Variants in DDX60L observed in about 807,000 individuals in gnomAD.
DDX60L encodes probable ATP-dependent RNA helicase DDX60-like.
In DDX60L, 191 loss-of-function variants were observed where a neutral mutation model predicts 211.6. That is an observed-to-expected ratio of 0.90 (90% CI 0.80 to 1.02). The LOEUF is 1.02. Among genes scored for constraint, DDX60L ranks in the 50% least tolerant of loss-of-function variants. DDX60L has a pLI of 0.00. For synonymous variants in DDX60L, 706 were observed against 694.1 expected (o/e 1.02, Z -0.27); for missense variants, 2,007 against 1,984.1 (o/e 1.01, Z -0.22).
chr4:168,474,679 AG>A, intron 1 of DDX60L, among the ~76,000 whole-genome samples: 1 of 152,266 alleles, frequency 6.6e-6, no homozygotes, highest in African/African-American at 2.4e-5. Context: ...CAGAATCCCA[AG>A]TTAAAAGACA....
At chr4:168,394,384 G>T (rs1026863810) in intron 28 of DDX60L, 81 bp downstream of exon 28, 7 of 1,132,594 alleles carry the variant, frequency 6.2e-6, no homozygotes, top group East Asian at 2.6e-5. Context: ...AAACCAACTG[G>T]TATAATTTTT....
At chr4:168,435,400 T>A (rs939062389) in intron 10 of DDX60L, among the ~76,000 whole-genome samples, 2 of 152,114 alleles carry the variant, frequency 1.3e-5, no homozygotes, top group Non-Finnish European at 2.9e-5. Flanking sequence ...ACTTGAAAAA[T>A]ACAGGAGTGC....
intron 32 of DDX60L, among the ~76,000 whole-genome samples, 199 bp from the exon 33 acceptor site, chr4:168,378,674 T>A (rs142495857): frequency 6.6e-6 from 1 of 152,282 alleles, no homozygotes; most frequent in Non-Finnish European, 1.5e-5. Context: ...TTATATTCTG[T>A]GCCTTGTTTT....
At chr4:168,409,764 A>G (rs1038467624) in intron 22 of DDX60L, among the ~76,000 whole-genome samples, 1 of 152,232 alleles carries the variant, frequency 6.6e-6, no homozygotes, top group African/African-American at 2.4e-5. Context: ...ATTATTTAGT[A>G]TAACACTATG....
intron 7 of DDX60L, among the ~76,000 whole-genome samples, chr4:168,454,884 T>C (rs773649307): frequency 6.6e-6 from 1 of 151,152 alleles, no homozygotes; most frequent in Non-Finnish European, 1.5e-5. Context: ...AGATGTCTAT[T>C]ACAAATCCAA....
At chr4:168,455,805 A>G (rs1756490582) in intron 7 of DDX60L, among the ~76,000 whole-genome samples, 1 of 152,226 alleles carries the variant, frequency 6.6e-6, no homozygotes, top group Non-Finnish European at 1.5e-5. Flanking sequence ...GAAAAACACT[A>G]AATTACGTAA....
At chr4:168,419,253 G>T in intron 19 of DDX60L, 49 bp downstream of exon 19, 1 of 1,268,082 alleles carries the variant, frequency 7.9e-7, no homozygotes, top group African/African-American at 1.5e-5. Flanking sequence ...ACAAATTATA[G>T]GGTGTATGCA....
In DDX60L at chr4:168,443,064, C is replaced by T. The variant is rs769289693; in HGVS notation, c.1139-1572G>A. 8.5e-3 allele frequency among the ~76,000 whole-genome samples: 1,297 copies of T among 151,940 alleles called. 13 individuals are homozygous for T. The highest frequency in any genetic ancestry group is 0.024 in the Middle Eastern group (7 of 292). On this transcript the variant is annotated intron_variant, in intron 9 of 37. Coordinates refer to ENST00000682922, the MANE Select transcript of DDX60L (RefSeq NM_001012967.3). ...TGAGCTGAGAGAAGAAGGCTTCAGA[C>T]GATCAAATTACTCTGAGCTATGGGA...
intron 8 of DDX60L, among the ~76,000 whole-genome samples, chr4:168,450,758 A>G (rs1656130653): frequency 6.6e-6 from 1 of 152,128 alleles, no homozygotes; most frequent in Non-Finnish European, 1.5e-5. Context: ...TCTACAAAAA[A>G]TAAAATTAGC....
At chr4:168,453,485 T>G (rs1370109877) in intron 7 of DDX60L, among the ~76,000 whole-genome samples, 3 of 152,178 alleles carry the variant, frequency 2.0e-5, no homozygotes, top group Non-Finnish European at 4.4e-5. Flanking sequence ...GTTCACATAA[T>G]GCATTTCTTA....
chr4:168,420,650 T>C (rs868027805), intron 17 of DDX60L, among the ~76,000 whole-genome samples: 4 of 46,906 alleles, frequency 8.5e-5, no homozygotes, highest in African/African-American at 1.8e-4. Context: ...ATGAGATAGA[T>C]AGATAGATAG....
At chr4:168,473,346 A>G (rs1362048303) in intron 1 of DDX60L, among the ~76,000 whole-genome samples, 1 of 152,252 alleles carries the variant, frequency 6.6e-6, no homozygotes, top group African/African-American at 2.4e-5. Context: ...TATCTTTAGT[A>G]GAGAGAGCAG....
chr4:168,412,271 C>T (rs911614643), intron 22 of DDX60L, among the ~76,000 whole-genome samples: 3 of 152,004 alleles, frequency 2.0e-5, no homozygotes, highest in African/African-American at 7.2e-5. Context: ...TGGAGTAGAG[C>T]ACTGAGCAGG....
At chr4:168,472,830 G>C in intron 1 of DDX60L, 21 bp from the exon 2 acceptor site, 1 of 871,434 alleles carries the variant, frequency 1.1e-6, no homozygotes, top group Non-Finnish European at 1.8e-6. Context: ...AGAAAAAATA[G>C]AACTGCAGTT....
At chr4:168,404,225 G>A in intron 24 of DDX60L, 119 bp from the exon 25 acceptor site, 1 of 722,100 alleles carries the variant, frequency 1.4e-6, no homozygotes, top group Non-Finnish European at 2.0e-6. Context: ...ATTTTGGGTG[G>A]GTTTTTAAAA....
chr4:168,474,809 C>G (rs973751115), intron 1 of DDX60L, among the ~76,000 whole-genome samples: 1 of 152,010 alleles, frequency 6.6e-6, no homozygotes, highest in Non-Finnish European at 1.5e-5. Flanking sequence ...GATACCAGAA[C>G]GAGTGGTGAA....
chr4:168,375,478 T>C lies in DDX60L; in HGVS notation c.4532A>G (p.Glu1511Gly). ...ATCCTTCATTACTGCCAGGTTATACTCATATAAAGCAGCTTTAAAATCCTC... is the reference window on the plus strand; with the variant it reads ...ATCCTTCATTACTGCCAGGTTATACCCATATAAAGCAGCTTTAAAATCCTC... ...LPEDFKAALYEYNLAVMKDFA... is the reference protein window; with the variant it reads ...LPEDFKAALYGYNLAVMKDFA... The change falls in exon 34 of 38, where the codon GAG (glutamate) becomes GGG (glycine). Residue 1511 changes from glutamate to glycine, a missense_variant. Physicochemically the swap from Glu to Gly is moderately conservative, Grantham distance 98 (BLOSUM62 -2). Coordinates refer to ENST00000682922, the MANE Select transcript of DDX60L (RefSeq NM_001012967.3). 2 of 1,613,096 alleles carry C rather than the reference T, an allele frequency of 1.2e-6. No homozygotes were observed. Among genetic ancestry groups the C allele is most frequent in the Non-Finnish European group, 8.5e-7 (1 of 1,179,492 alleles).
intron 22 of DDX60L, among the ~76,000 whole-genome samples, chr4:168,407,005 A>T (rs1327791269): frequency 6.6e-6 from 1 of 152,228 alleles, no homozygotes; most frequent in East Asian, 1.9e-4. Flanking sequence ...ACTTCCTTAG[A>T]ATGCCAGTGA....
At chr4:168,405,096 C>A (rs1747510348) in intron 24 of DDX60L, among the ~76,000 whole-genome samples, 1 of 151,984 alleles carries the variant, frequency 6.6e-6, no homozygotes, top group Non-Finnish European at 1.5e-5. Context: ...GCAACCTCTG[C>A]CTCCCAGGCT....
Sources: gnomAD v4.1 joint callset for allele counts (sites outside exome capture counted in the v4.1 genomes callset) on GRCh38, gnomAD v4.1.1 for gene constraint, MANE v1.5 for transcripts, NCBI Gene and HGNC (gene_info 2026-07-23, HGNC 2026-07-21) for gene names.